The following PDE4B variants were observed in gnomAD, a reference collection of about 807,000 sequenced individuals.
PDE4B encodes the protein 3',5'-cyclic-AMP phosphodiesterase 4B.
A neutral mutation model predicts 82.2 loss-of-function variants in PDE4B; 20 were observed. The ratio of observed to expected loss-of-function variants is 0.24; its 90% confidence interval spans 0.17 to 0.35. The LOEUF is 0.35. Among genes scored for constraint, PDE4B ranks in the 10% least tolerant of loss-of-function variants. PDE4B has a pLI of 1.00. For missense variants in PDE4B, 655 were observed against 907.2 expected, an observed-to-expected ratio of 0.72 and a Z score of 3.57; for synonymous variants, 320 against 318.9, an observed-to-expected ratio of 1.00 and a Z score of -0.04.
chr1:66,133,149 T>C (rs1045775697), intron 3 of PDE4B, among the ~76,000 whole-genome samples: 1 of 152,172 alleles, frequency 6.6e-6, no homozygotes, highest in Non-Finnish European at 1.5e-5. Context: ...AGATAAGGAC[T>C]CAGATACAGA....
At chr1:66,257,563 T>G (rs1246170755) in intron 4 of PDE4B, 84 bp from the exon 5 acceptor site, 2 of 1,229,746 alleles carry the variant, frequency 1.6e-6, no homozygotes, top group Non-Finnish European at 2.4e-6. Flanking sequence ...TTGTTAACAC[T>G]GATAAAATTT....
intron 1 of PDE4B, among the ~76,000 whole-genome samples, chr1:65,878,736 T>C (rs1027283019): frequency 2.0e-5 from 3 of 150,514 alleles, no homozygotes; most frequent in Non-Finnish European, 4.4e-5. Flanking sequence ...TGTTGGGGAG[T>C]CGGGGGAAAG....
intron 7 of PDE4B, among the ~76,000 whole-genome samples, chr1:66,330,406 G>A (rs1427233301): frequency 2.6e-5 from 4 of 152,124 alleles, no homozygotes; most frequent in Non-Finnish European, 5.9e-5. Flanking sequence ...TATAATTACT[G>A]TATGTATTTC....
intron 7 of PDE4B, among the ~76,000 whole-genome samples, chr1:66,286,437 C>T (rs1656682166): frequency 6.6e-6 from 1 of 152,082 alleles, no homozygotes; most frequent in African/African-American, 2.4e-5. Context: ...GGGGTTTTTC[C>T]TGCATTACTT....
Position 66,204,733 on chromosome 1 carries a change from A to T in PDE4B, c.282-42727A>T, listed in dbSNP as rs577441277. ...TAGGGTGGGAGTGACCCGATTTTCC[A>T]GGTGCCATCTGTCAACCTTTTCTTT... On this transcript the variant is annotated intron_variant, in intron 3 of 16. Coordinates refer to ENST00000341517, the MANE Select transcript of PDE4B (RefSeq NM_002600.4). Among the ~76,000 whole-genome samples, 419 of 152,320 alleles carry T rather than the reference A, an allele frequency of 2.8e-3. 6 individuals are homozygous for T. Among genetic ancestry groups the T allele is most frequent in the Non-Finnish European group, 4.7e-3 (320 of 68,016 alleles).
chr1:66,139,619 T>A (rs1370720175), intron 3 of PDE4B, among the ~76,000 whole-genome samples: 2 of 152,122 alleles, frequency 1.3e-5, no homozygotes, highest in South Asian at 4.1e-4. Flanking sequence ...TATCTATGAA[T>A]TCTAAGGGAT....
At chr1:66,202,830 G>A (rs199660252) in intron 3 of PDE4B, among the ~76,000 whole-genome samples, 3 of 151,908 alleles carry the variant, frequency 2.0e-5, no homozygotes, top group Non-Finnish European at 4.4e-5. Flanking sequence ...TTTAACTGGA[G>A]CATTTAGCCC....
At chr1:66,030,732 G>C (rs1259847771) in intron 3 of PDE4B, among the ~76,000 whole-genome samples, 2 of 152,144 alleles carry the variant, frequency 1.3e-5, no homozygotes, top group African/African-American at 2.4e-5. Context: ...GCAGAGGATA[G>C]GATAAAGAAA....
chr1:66,343,321 ATTTACCCTCC>A, intron 8 of PDE4B, among the ~76,000 whole-genome samples: 1 of 152,170 alleles, frequency 6.6e-6, no homozygotes, highest in South Asian at 2.1e-4. Flanking sequence ...AAACAGAGGG[ATTTACCCTCC>A]ATCTTCATAT....
intron 3 of PDE4B, among the ~76,000 whole-genome samples, chr1:65,934,407 G>T (rs1001730721): frequency 1.3e-5 from 2 of 152,206 alleles, no homozygotes; most frequent in African/African-American, 4.8e-5. Context: ...TTGTGCCAGT[G>T]CACTCCAGTC....
chr1:65,948,342 A>G (rs1417978040), intron 3 of PDE4B, among the ~76,000 whole-genome samples: 2 of 151,798 alleles, frequency 1.3e-5, no homozygotes, highest in East Asian at 3.9e-4. Flanking sequence ...CTTATTATGT[A>G]TTAACTTACA....
In PDE4B at chr1:65,875,039, G is replaced by A. The variant is rs981460590; in HGVS notation, c.-70-38206G>A. ...ACCTACAAAATGGGAGAAAATTTTC[G>A]CAACCTACTCATCTGACAAAGGGCT... On this transcript the variant is annotated intron_variant, in intron 1 of 16. Transcript: ENST00000341517. Among the ~76,000 whole-genome samples, 80 of 150,220 alleles carry A rather than the reference G, an allele frequency of 5.3e-4. 1 individual carries two copies. The East Asian group carries it at 5.7e-3, about 11-fold the overall frequency.
At chr1:66,262,129 AT>A (rs1448244006) in intron 6 of PDE4B, among the ~76,000 whole-genome samples, 3 of 152,172 alleles carry the variant, frequency 2.0e-5, no homozygotes, top group East Asian at 1.9e-4. Flanking sequence ...TAACCACTTA[AT>A]TTTTTTAGTG....
intron 3 of PDE4B, among the ~76,000 whole-genome samples, chr1:66,085,532 A>T (rs1656959716): frequency 6.6e-6 from 1 of 152,160 alleles, no homozygotes; most frequent in Non-Finnish European, 1.5e-5. Context: ...TTTTAATATG[A>T]GCTAGCAGCA....
At chr1:66,064,435 A>T (rs1180655908) in intron 3 of PDE4B, among the ~76,000 whole-genome samples, 1 of 151,956 alleles carries the variant, frequency 6.6e-6, no homozygotes, top group Non-Finnish European at 1.5e-5. Context: ...AAAATAAAGA[A>T]ATGAGGAAAA....
At chr1:66,044,012 G>A (rs904755738) in intron 3 of PDE4B, among the ~76,000 whole-genome samples, 1 of 151,576 alleles carries the variant, frequency 6.6e-6, no homozygotes, top group Non-Finnish European at 1.5e-5. Flanking sequence ...ATCAATGAAG[G>A]TCTGTCAAGT....
chr1:65,844,051 G>A lies in PDE4B; in HGVS notation c.-71+50803G>A, dbSNP rs933342055. ...GTTTTTACTTTCTGTTTGACCTTCAGAGAAACTAACTGTATTTACCTCAAA... is the reference window on the plus strand; with the variant it reads ...GTTTTTACTTTCTGTTTGACCTTCAAAGAAACTAACTGTATTTACCTCAAA... On this transcript the variant is annotated intron_variant, in intron 1 of 16. Coordinates refer to ENST00000341517, the MANE Select transcript of PDE4B (RefSeq NM_002600.4). Among the ~76,000 whole-genome samples the A allele has an allele frequency of 7.2e-5, 11 of 152,186 alleles. 1 individual carries two copies. Among genetic ancestry groups the A allele is most frequent in the Admixed American group, 7.2e-4 (11 of 15,262 alleles).
In PDE4B at chr1:65,875,967, GA is replaced by G. The variant is rs977043983; in HGVS notation, c.-70-37269del. ...AAAGTATAATTAAAAAAAAAATGGGGAAAAAAAAAGAAAGATTTTTTTCTTC... is the reference window on the plus strand; with the variant it reads ...AAAGTATAATTAAAAAAAAAATGGGGAAAAAAAAGAAAGATTTTTTTCTTC... On this transcript the variant is annotated intron_variant, in intron 1 of 16. Coordinates refer to ENST00000341517, the MANE Select transcript of PDE4B (RefSeq NM_002600.4). Among the ~76,000 whole-genome samples, 124 of 149,600 alleles carry G rather than the reference GA, an allele frequency of 8.3e-4. 1 individual carries two copies. In the East Asian group the frequency reaches 8.8e-3, roughly 11 times the overall value.
chr1:66,117,707 T>C (rs1645625044), intron 3 of PDE4B, among the ~76,000 whole-genome samples: 1 of 152,218 alleles, frequency 6.6e-6, no homozygotes, highest in African/African-American at 2.4e-5. Flanking sequence ...CACGGACTTA[T>C]AAAATATTAG....
Sources: gnomAD v4.1 joint callset for allele counts (sites outside exome capture counted in the v4.1 genomes callset) on GRCh38, gnomAD v4.1.1 for gene constraint, MANE v1.5 for transcripts, NCBI Gene and HGNC (gene_info 2026-07-23, HGNC 2026-07-21) for gene names.